The following RBMS3 variants were observed in gnomAD, a reference collection of about 807,000 sequenced individuals.
RBMS3 encodes RNA-binding motif, single-stranded-interacting protein 3.
RBMS3 carries 27 observed loss-of-function variants against 66.8 expected under a neutral mutation model. That is an observed-to-expected ratio of 0.40 (90% CI 0.30 to 0.56). The LOEUF (loss-of-function observed/expected upper bound fraction) is 0.56. Among genes scored for constraint, RBMS3 ranks in the 20% least tolerant of loss-of-function variants. RBMS3 has a pLI of 0.40. For synonymous variants in RBMS3, 188 were observed against 183.0 expected (o/e 1.03, Z -0.22); for missense variants, 513 against 549.5 (o/e 0.93, Z 0.66).
At chr3:29,444,787 C>CTTTT (rs2041757806) in intron 2 of RBMS3, among the ~76,000 whole-genome samples, 2 of 27,070 alleles carry the variant, frequency 7.4e-5, no homozygotes, top group Non-Finnish European at 1.0e-4. Context: ...GAAATATATG[C>CTTTT]CTTTTTTTTT....
At chr3:29,433,945 A>G (rs2041303508) in intron 1 of RBMS3, among the ~76,000 whole-genome samples, 1 of 152,138 alleles carries the variant, frequency 6.6e-6, no homozygotes, top group African/African-American at 2.4e-5. Flanking sequence ...TTTGGTGATC[A>G]CATCTGGGGA....
intron 1 of RBMS3, among the ~76,000 whole-genome samples, chr3:29,400,209 A>C (rs1240490346): frequency 6.6e-6 from 1 of 152,174 alleles, no homozygotes; most frequent in Non-Finnish European, 1.5e-5. Flanking sequence ...AGGCATATTT[A>C]TGGGCCACTT....
chr3:29,876,707 A>C (rs779778587), intron 7 of RBMS3, among the ~76,000 whole-genome samples: 5 of 152,142 alleles, frequency 3.3e-5, no homozygotes, highest in Non-Finnish European at 7.4e-5. Context: ...ATAGAATAGA[A>C]ATATTCCCAC....
chr3:29,501,204 C>T (rs2043953356), intron 3 of RBMS3, among the ~76,000 whole-genome samples: 2 of 152,258 alleles, frequency 1.3e-5, no homozygotes, highest in African/African-American at 4.8e-5. Context: ...TGTTTAAAAT[C>T]TCCATGAAAG....
At chr3:29,872,326 C>T (rs983990094) in intron 7 of RBMS3, among the ~76,000 whole-genome samples, 1 of 152,072 alleles carries the variant, frequency 6.6e-6, no homozygotes. Flanking sequence ...GTGGACTTTT[C>T]TATTTTTACA....
chr3:29,663,184 A>T lies in RBMS3; in HGVS notation c.399+75979A>T, dbSNP rs189189373. Among the ~76,000 whole-genome samples the T allele has an allele frequency of 3.7e-3, 557 of 152,304 alleles. 4 individuals are homozygous for T. Among genetic ancestry groups the T allele is most frequent in the Middle Eastern group, 0.014 (4 of 294 alleles). On this transcript the variant is annotated intron_variant, in intron 4 of 14. Transcript: ENST00000383767. The stretch of plus-strand genomic sequence containing the variant: ...CCTCTCCACAATTTCTCCTTGTGGA[A>T]TAAATTTTTTTAAATGGCTTTTAGT...
At chr3:29,741,666 A>G (rs571621919) in intron 5 of RBMS3, among the ~76,000 whole-genome samples, 1 of 152,380 alleles carries the variant, frequency 6.6e-6, no homozygotes, top group African/African-American at 2.4e-5. Flanking sequence ...GTGTTCGTAC[A>G]AAGTATATTA....
intron 3 of RBMS3, among the ~76,000 whole-genome samples, chr3:29,570,109 T>G (rs2046895467): frequency 6.6e-6 from 1 of 152,144 alleles, no homozygotes; most frequent in African/African-American, 2.4e-5. Context: ...CTCTTTGTAT[T>G]GGCTGAATTA....
rs1214118887 is a variant in RBMS3 at position 29,849,505 on chromosome 3, C to G, written c.638-19353C>G. Among the ~76,000 whole-genome samples the G allele has an allele frequency of 4.1e-5, 6 of 148,136 alleles. No individual in the cohort carries two copies. In the East Asian group the frequency reaches 1.2e-3, roughly 30 times the overall value. The stretch of plus-strand genomic sequence containing the variant: ...CTCCAGCCTGGGTGACAGAGTGAGA[C>G]TCTGTCTCAACTTAAAAAAGAAAAA... On this transcript the variant is annotated intron_variant, in intron 6 of 14. Coordinates refer to ENST00000383767, the MANE Select transcript of RBMS3 (RefSeq NM_001003793.3).
intron 4 of RBMS3, among the ~76,000 whole-genome samples, chr3:29,679,614 G>T (rs2051401125): frequency 1.3e-5 from 2 of 152,004 alleles, no homozygotes; most frequent in Non-Finnish European, 2.9e-5. Context: ...TGATACTGCA[G>T]TGTGCTCACT....
rs2031771791 is a variant in RBMS3 at position 29,281,474 on chromosome 3, C to CT, written c.-208_-207insT. 22 of 425,286 alleles carry CT rather than the reference C, an allele frequency of 5.2e-5. No homozygotes were observed. The highest frequency in any genetic ancestry group is 1.1e-3 in the Middle Eastern group (2 of 1,790). 26.3% of individuals were successfully genotyped at this position (425,286 alleles called of 1,614,324 possible). ...TTTTTCTACAGATCTCACTCCTCGC[C>CT]CTTTTTTTTTTTCCTTTGGTGTGTG... On this transcript the variant is annotated 5_prime_UTR_variant, in exon 1 of 15. Coordinates refer to ENST00000383767, the MANE Select transcript of RBMS3 (RefSeq NM_001003793.3).
chr3:29,739,342 G>A (rs2054524598), intron 4 of RBMS3, among the ~76,000 whole-genome samples: 1 of 151,690 alleles, frequency 6.6e-6, no homozygotes, highest in African/African-American at 2.4e-5. Flanking sequence ...TGTAGTCCCA[G>A]CTACTCGGGA....
At chr3:29,716,325 G>T (rs1319740280) in intron 4 of RBMS3, among the ~76,000 whole-genome samples, 3 of 152,120 alleles carry the variant, frequency 2.0e-5, no homozygotes, top group Non-Finnish European at 4.4e-5. Flanking sequence ...GTGTTGAGAA[G>T]CAAAGGACAC....
chr3:29,482,900 G>A (rs1263828684), intron 2 of RBMS3, among the ~76,000 whole-genome samples: 2 of 150,970 alleles, frequency 1.3e-5, no homozygotes, highest in Admixed American at 1.3e-4. Context: ...TATAGACGAC[G>A]TTTCACCACG....
chr3:29,378,497 AAC>A (rs1236031079), intron 1 of RBMS3, among the ~76,000 whole-genome samples: 454 of 14,470 alleles, frequency 0.031, 4 homozygotes, highest in South Asian at 0.14. Context: ...TAAAAAAAAA[AAC>A]AAAAAACAAC....
chr3:29,801,310 C>T (rs1238804677), intron 6 of RBMS3, among the ~76,000 whole-genome samples: 2 of 137,208 alleles, frequency 1.5e-5, no homozygotes, highest in Admixed American at 1.6e-4. Flanking sequence ...CTCTGTTGCC[C>T]AGGCTGGAAT....
At chr3:29,599,732 A>G (rs1487584882) in intron 4 of RBMS3, among the ~76,000 whole-genome samples, 2 of 152,154 alleles carry the variant, frequency 1.3e-5, no homozygotes, top group Non-Finnish European at 2.9e-5. Context: ...AGCTCTTCGT[A>G]TATATTCAAT....
intron 2 of RBMS3, among the ~76,000 whole-genome samples, chr3:29,439,172 A>G (rs1182535401): frequency 6.6e-6 from 1 of 152,192 alleles, no homozygotes; most frequent in Admixed American, 6.5e-5. Flanking sequence ...AAAATGAGCT[A>G]GAAAACACGA....
At chr3:29,344,511 C>T (rs528195020) in intron 1 of RBMS3, among the ~76,000 whole-genome samples, 80 of 152,230 alleles carry the variant, frequency 5.3e-4, no homozygotes, top group Non-Finnish European at 9.9e-4. Flanking sequence ...AGCAAGTTCC[C>T]AATCATGGCT....
Sources: allele counts gnomAD v4.1 joint callset (sites outside exome capture counted in the v4.1 genomes callset), GRCh38; gene constraint gnomAD v4.1.1; transcripts MANE v1.5; gene names NCBI Gene and HGNC (gene_info 2026-07-23, HGNC 2026-07-21).